Variants in PDE12 observed in about 807,000 individuals in gnomAD.
The protein encoded by PDE12 is phosphodiesterase 12, also known as 2',5'-phosphodiesterase 12.
Under a neutral mutation model 45.4 loss-of-function variants are expected in PDE12, and 26 were observed. The ratio of observed to expected loss-of-function variants is 0.57; its 90% CI spans 0.42 to 0.79. The LOEUF (loss-of-function observed/expected upper bound fraction) is 0.79, where lower values mean the gene tolerates loss of function less well. Ranked by LOEUF, PDE12 falls within the 30% of genes least tolerant of loss-of-function variation. PDE12 has a pLI of 0.00. For synonymous variants in PDE12, 283 were observed against 323.9 expected, an observed-to-expected ratio of 0.87 and a Z score of 1.36; for missense variants, 668 against 790.0, an observed-to-expected ratio of 0.85 and a Z score of 1.85.
chr3:57,581,296 C>T, the PDE12 span, among the ~76,000 whole-genome samples: 16 of 152,204 alleles, frequency 1.1e-4, no homozygotes, highest in Admixed American at 9.8e-4. Flanking sequence ...TAAAGCTTTC[C>T]CCAGCTAGCA....
the PDE12 span, among the ~76,000 whole-genome samples, chr3:57,601,678 T>G: frequency 2.6e-5 from 4 of 152,074 alleles, no homozygotes; most frequent in Non-Finnish European, 5.9e-5. Flanking sequence ...TTTTTGCTGA[T>G]TGTTATGTCT....
the PDE12 span, among the ~76,000 whole-genome samples, chr3:57,653,744 TAAA>T: frequency 5.9e-5 from 5 of 84,708 alleles, no homozygotes; most frequent in African/African-American, 1.4e-4. Context: ...AGACTCCATC[TAAA>T]AAAAAAAAAA....
At chr3:57,581,131 G>A in the PDE12 span, among the ~76,000 whole-genome samples, 1 of 152,208 alleles carries the variant, frequency 6.6e-6, no homozygotes, top group African/African-American at 2.4e-5. Flanking sequence ...GGAATTATAA[G>A]AGGAATTTAC....
chr3:57,568,583 CTTTTTTT>C (rs764411740), downstream of PDE12, among the ~76,000 whole-genome samples: 3 of 136,642 alleles, frequency 2.2e-5, no homozygotes, highest in African/African-American at 2.7e-5. Context: ...AGATACACTT[CTTTTTTT>C]TTTTTTTTTA....
At chr3:57,593,870 C>G in the PDE12 span, among the ~76,000 whole-genome samples, 3 of 152,026 alleles carry the variant, frequency 2.0e-5, no homozygotes, top group Non-Finnish European at 4.4e-5. Flanking sequence ...CAAAAAATGT[C>G]AAAAATTAGC....
At chr3:57,607,517 A>AG in the PDE12 span, among the ~76,000 whole-genome samples, 1 of 152,174 alleles carries the variant, frequency 6.6e-6, no homozygotes, top group Admixed American at 6.5e-5. Context: ...ATGGCTAACT[A>AG]GAATAACCAG....
At chr3:57,646,679 T>C in the PDE12 span, among the ~76,000 whole-genome samples, 1 of 152,188 alleles carries the variant, frequency 6.6e-6, no homozygotes, top group Non-Finnish European at 1.5e-5. Flanking sequence ...ATGTAATATA[T>C]TGACACACAG....
the PDE12 span, among the ~76,000 whole-genome samples, chr3:57,634,207 C>T: frequency 2.0e-5 from 3 of 151,682 alleles, no homozygotes; most frequent in Non-Finnish European, 4.4e-5. Context: ...CCGAGGTGGG[C>T]GTATCACTTA....
rs369877761 is a variant in PDE12, at chr3:57,556,373, C to A, written c.-7C>A. The A allele has an allele frequency of 2.6e-6, 4 of 1,558,848 alleles. No individual in the cohort carries two copies. The highest frequency in any genetic ancestry group is 2.4e-5 in the East Asian group (1 of 41,718). On this transcript the variant is annotated 5_prime_UTR_variant, in exon 1 of 3. Transcript: ENST00000311180. This position sits in a 1 kb window ranked among gnomAD's most constrained non-coding sequence, Gnocchi z 5.0. ...CGGGTCTTGTCGACCGCTAGGCCACCAGGTTCATGTGGAGGCTCCCAGGCG... is the reference window on the plus strand; with the variant it reads ...CGGGTCTTGTCGACCGCTAGGCCACAAGGTTCATGTGGAGGCTCCCAGGCG...
At chr3:57,595,952 C>CA in the PDE12 span, among the ~76,000 whole-genome samples, 1,827 of 129,496 alleles carry the variant, frequency 0.014, 28 homozygotes, top group African/African-American at 0.043. Flanking sequence ...ACTCCGTCTG[C>CA]AAAAAAAAAA....
the PDE12 span, chr3:57,633,281 CTT>C: frequency 6.2e-7 from 1 of 1,613,472 alleles, no homozygotes; most frequent in South Asian, 1.1e-5. Context: ...AATGATGAAA[CTT>C]TGTGTCAGTT....
Position 57,562,745 on chromosome 3 carries a change from C to A in PDE12, c.*2741C>A, listed in dbSNP as rs534794676. 1 of 152,334 alleles carries A rather than the reference C, an allele frequency of 6.6e-6. No homozygotes were observed. The highest frequency in any genetic ancestry group is 1.9e-4 in the East Asian group (1 of 5,192). The allele number at this position is 152,334 out of a possible 1,614,324, so 9.4% of individuals were successfully genotyped here. ...GTTAAAATGAACTCTTGCACAGTTG[C>A]CGCTACAGCAAATGTGTCTGCCAAT... On this transcript the variant is annotated 3_prime_UTR_variant, in exon 3 of 3. Coordinates refer to ENST00000311180, the MANE Select transcript of PDE12 (RefSeq NM_177966.7).
chr3:57,592,857 A>G, the PDE12 span, among the ~76,000 whole-genome samples: 1 of 152,184 alleles, frequency 6.6e-6, no homozygotes, highest in Non-Finnish European at 1.5e-5. Flanking sequence ...AAGAGAGGAC[A>G]CAAAACTAAA....
chr3:57,653,464 G>T, the PDE12 span, among the ~76,000 whole-genome samples: 3 of 152,106 alleles, frequency 2.0e-5, no homozygotes, highest in Non-Finnish European at 2.9e-5. Flanking sequence ...ATTAGTAGTA[G>T]GCCGGGCGCG....
chr3:57,579,253 C>CAAAAAAAAAAAAAAAAAAAAAAAAA, the PDE12 span, among the ~76,000 whole-genome samples: 2 of 47,600 alleles, frequency 4.2e-5, 1 homozygote, highest in Non-Finnish European at 7.1e-5. Context: ...AACTACATCT[C>CAAAAAAAAAAAAAAAAAAAAAAAAA]AAAAAAAAAA....
At chr3:57,643,446 G>A in the PDE12 span, among the ~76,000 whole-genome samples, 1 of 152,056 alleles carries the variant, frequency 6.6e-6, no homozygotes, top group African/African-American at 2.4e-5. Flanking sequence ...TGGTTATATA[G>A]GTCTGGACCT....
chr3:57,620,447 A>G, the PDE12 span, among the ~76,000 whole-genome samples: 2 of 152,162 alleles, frequency 1.3e-5, no homozygotes, highest in African/African-American at 2.4e-5. Flanking sequence ...GCTCTTACCA[A>G]TGCTATTCAA....
chr3:57,559,229 A>G lies in PDE12; in HGVS notation c.1309-81A>G, dbSNP rs571529659. 1.4e-5 allele frequency: 18 copies of G among 1,258,422 alleles called. 1 individual carries two copies. In the South Asian group the frequency reaches 2.1e-4, roughly 15 times the overall value. 78.0% of individuals were successfully genotyped at this position (1,258,422 alleles called of 1,614,324 possible). A position where few individuals can be genotyped will look rare whatever the true frequency, so the allele number is the denominator to read the frequency against. On this transcript the variant is annotated intron_variant, in intron 1 of 2. Transcript: ENST00000311180. The stretch of plus-strand genomic sequence containing the variant: ...GAGTGAGACTGTCTCGAAAAAACTC[A>G]AAAAAACAAACAAACAAACAAAAAC...
At chr3:57,578,861 TG>T in the PDE12 span, among the ~76,000 whole-genome samples, 1 of 148,360 alleles carries the variant, frequency 6.7e-6, no homozygotes, top group Non-Finnish European at 1.5e-5. Flanking sequence ...AACTTTCAAA[TG>T]GGAAAGTATA....
Sources: allele counts gnomAD v4.1 joint callset (sites outside exome capture counted in the v4.1 genomes callset), GRCh38; gene constraint gnomAD v4.1.1; non-coding constraint Gnocchi (gnomAD v3.1); transcripts MANE v1.5; gene names NCBI Gene and HGNC (gene_info 2026-07-23, HGNC 2026-07-21).